The following FGF13 variants were observed in gnomAD, a reference collection of about 807,000 sequenced individuals.
The protein encoded by FGF13 is fibroblast growth factor 13.
A neutral mutation model predicts 19.5 loss-of-function variants in FGF13; 2 were observed. The observed-to-expected ratio is 0.10, with a 90% CI of 0.04 to 0.32. The LOEUF is 0.32. Among genes scored for constraint, FGF13 ranks in the 10% least tolerant of loss-of-function variants. The pLI, the probability that FGF13 is intolerant of heterozygous loss-of-function variation, is 1.00. For synonymous variants in FGF13, 72 were observed against 76.9 expected (o/e 0.94, Z 0.33); for missense variants, 113 against 192.7 (o/e 0.59, Z 2.45).
chrX:139,055,000 A>G (rs1308921590), intron 1 of FGF13, among the ~76,000 whole-genome samples: 1 of 110,801 alleles, frequency 9.0e-6, no homozygotes, highest in East Asian at 2.8e-4. Flanking sequence ...CTGTTGGTGT[A>G]TAGAAGAGCT....
At chrX:139,191,075 A>G (rs1377594472) in intron 1 of FGF13, among the ~76,000 whole-genome samples, 1 of 112,125 alleles carries the variant, frequency 8.9e-6, no homozygotes, top group Non-Finnish European at 1.9e-5. Context: ...AGTCTCCCCT[A>G]TATACAATAT....
intron 3 of FGF13, among the ~76,000 whole-genome samples, chrX:138,778,823 A>G (rs937000126): frequency 8.9e-6 from 1 of 112,758 alleles, no homozygotes; most frequent in Non-Finnish European, 1.9e-5. Flanking sequence ...CCACAGCTCA[A>G]GGAGGCCTGC....
At chrX:139,095,186 T>TC (rs1304387598) in intron 1 of FGF13, among the ~76,000 whole-genome samples, 2 of 111,671 alleles carry the variant, frequency 1.8e-5, no homozygotes, top group Non-Finnish European at 3.8e-5. Flanking sequence ...ACAGATGGGG[T>TC]TGGAACTACC....
At chrX:139,108,270 A>G (rs1332412389) in intron 1 of FGF13, among the ~76,000 whole-genome samples, 1 of 111,817 alleles carries the variant, frequency 8.9e-6, no homozygotes, top group African/African-American at 3.3e-5. Context: ...TAGAGGGTCC[A>G]GATCACTGGA....
intron 3 of FGF13, among the ~76,000 whole-genome samples, chrX:138,758,672 T>C (rs2090446873): frequency 9.0e-6 from 1 of 111,597 alleles, no homozygotes; most frequent in Non-Finnish European, 1.9e-5. Context: ...AGCTTTCTGG[T>C]CCCCCAGCTC....
At chrX:138,913,614 G>A (rs776613037) in intron 1 of FGF13, among the ~76,000 whole-genome samples, 2 of 99,639 alleles carry the variant, frequency 2.0e-5, no homozygotes, top group Non-Finnish European at 4.0e-5. Context: ...AAGAGAGAGA[G>A]AGGGAGGGAG....
rs143682526 is a variant in FGF13 at position 138,791,789 on chromosome X, T to C, written c.217+65723A>G. Among the ~76,000 whole-genome samples, 45 of 111,853 alleles carry C rather than the reference T, an allele frequency of 4.0e-4. 1 individual carries two copies. In the East Asian group the frequency reaches 0.012, roughly 31 times the overall value. ...GAAAAGTAAATGCAATTTTAAAAGG[T>C]TCATTTGTTAGTCATCAACATTTCT... On this transcript the variant is annotated intron_variant, in intron 3 of 6. Transcript: ENST00000436198.
Position 138,971,624 on chromosome X carries a change from G to A in FGF13, c.-112-106974C>T, listed in dbSNP as rs183720424. Among the ~76,000 whole-genome samples the A allele has an allele frequency of 3.6e-3, 398 of 110,427 alleles. 3 individuals carry two copies. Among genetic ancestry groups the A allele is most frequent in the African/African-American group, 0.013 (380 of 30,352 alleles). ...ATATAATAATTGTACATGTGTATTG[G>A]GTACAGTGTGATGCTTTGATACATA... On this transcript the variant is annotated intron_variant, in intron 1 of 2. Coordinates refer to the FGF13 transcript ENST00000421460.
At chrX:139,141,319 G>A (rs924643975) in intron 1 of FGF13, among the ~76,000 whole-genome samples, 21 of 111,997 alleles carry the variant, frequency 1.9e-4, no homozygotes, top group African/African-American at 6.8e-4. Context: ...CCTCAGAGCC[G>A]AGGACAATGC....
intron 3 of FGF13, among the ~76,000 whole-genome samples, chrX:138,789,897 T>C (rs939169221): frequency 4.8e-5 from 5 of 105,243 alleles, no homozygotes; most frequent in African/African-American, 1.7e-4. Context: ...TACAAAAAAT[T>C]AGCCGGGCGT....
intron 3 of FGF13, among the ~76,000 whole-genome samples, chrX:138,822,083 A>C (rs1293513753): frequency 9.0e-6 from 1 of 111,640 alleles, no homozygotes; most frequent in Non-Finnish European, 1.9e-5. Flanking sequence ...TCAAGTCAAG[A>C]AATGTGGTTT....
chrX:138,884,425 T>C (rs757245356), intron 1 of FGF13, among the ~76,000 whole-genome samples: 10 of 112,345 alleles, frequency 8.9e-5, no homozygotes, highest in Non-Finnish European at 1.9e-4. Context: ...TTCATACTTA[T>C]AAGCAGACAC....
rs761546744 is a variant in FGF13, at chrX:138,847,940, A to T, written c.217+9572T>A. Among the ~76,000 whole-genome samples, 91 of 111,848 alleles carry T rather than the reference A, an allele frequency of 8.1e-4. 1 individual carries two copies. Among genetic ancestry groups the T allele is most frequent in the Non-Finnish European group, 1.3e-3 (68 of 53,112 alleles). On this transcript the variant is annotated intron_variant, in intron 3 of 6. Coordinates refer to the FGF13 transcript ENST00000436198. ...TCTTACTCTAGAGCAGTAGCAATCA[A>T]GTAAAGAATTGTCAGTACTTTTCTG...
chrX:139,112,621 A>G (rs1288184282), intron 1 of FGF13, among the ~76,000 whole-genome samples: 1 of 111,796 alleles, frequency 8.9e-6, no homozygotes, highest in Non-Finnish European at 1.9e-5. Context: ...TCCAAGCTCT[A>G]CAACTTACTA....
intron 1 of FGF13, among the ~76,000 whole-genome samples, chrX:139,145,749 C>T (rs1027938985): frequency 1.8e-5 from 2 of 111,028 alleles, no homozygotes; most frequent in Non-Finnish European, 3.8e-5. Flanking sequence ...GTCATCATCC[C>T]TAAAAAGCTT....
At chrX:139,126,336 A>G (rs1339753861) in intron 1 of FGF13, among the ~76,000 whole-genome samples, 2 of 111,367 alleles carry the variant, frequency 1.8e-5, no homozygotes, top group African/African-American at 3.3e-5. Context: ...ACCTTCCCAG[A>G]CCTTTTGCCC....
At chrX:138,768,113 G>GTT (rs2090515383) in intron 3 of FGF13, among the ~76,000 whole-genome samples, 1 of 112,159 alleles carries the variant, frequency 8.9e-6, no homozygotes, top group African/African-American at 3.2e-5. Flanking sequence ...CCAGGGGGCA[G>GTT]CATCATGAAA....
chrX:139,010,391 C>G (rs974892071), intron 1 of FGF13, among the ~76,000 whole-genome samples: 7 of 111,584 alleles, frequency 6.3e-5, no homozygotes, highest in African/African-American at 2.3e-4. Flanking sequence ...CAAAATGGAC[C>G]ATATGATAGG....
chrX:138,803,551 G>C (rs761278253), intron 3 of FGF13, among the ~76,000 whole-genome samples: 6 of 111,738 alleles, frequency 5.4e-5, no homozygotes. Flanking sequence ...AAACCTTTAG[G>C]ATTTCCATCC....
Sources: allele counts gnomAD v4.1 joint callset (sites outside exome capture counted in the v4.1 genomes callset), GRCh38; gene constraint gnomAD v4.1.1; transcripts MANE v1.5; gene names NCBI Gene and HGNC (gene_info 2026-07-23, HGNC 2026-07-21).